The following PRKCI variants were observed in gnomAD, a reference collection of about 807,000 sequenced individuals.
The protein encoded by PRKCI is protein kinase C iota type.
PRKCI carries 43 observed loss-of-function variants against 84.0 expected under a neutral mutation model. That is an observed-to-expected ratio of 0.51 (90% confidence interval 0.40 to 0.66). PRKCI has a LOEUF of 0.66. Among genes scored for constraint, PRKCI ranks in the 30% least tolerant of loss-of-function variants. The pLI is 0.00. For missense variants in PRKCI, 459 were observed against 745.6 expected (o/e 0.62, Z 4.48); for synonymous variants, 216 against 234.4 (o/e 0.92, Z 0.72).
At chr3:170,240,956 CTT>C (rs1272131968) in intron 2 of PRKCI, among the ~76,000 whole-genome samples, 1 of 152,210 alleles carries the variant, frequency 6.6e-6, no homozygotes, top group Non-Finnish European at 1.5e-5. Context: ...CCACACTCCT[CTT>C]TCTCATAAAT....
chr3:170,265,194 A>G (rs1434316388), intron 4 of PRKCI, among the ~76,000 whole-genome samples: 2 of 151,948 alleles, frequency 1.3e-5, no homozygotes, highest in African/African-American at 4.8e-5. Flanking sequence ...GTCTCAAAAA[A>G]AAAAAAAAGA....
intron 2 of PRKCI, among the ~76,000 whole-genome samples, chr3:170,256,704 A>G (rs1733589266): frequency 6.6e-6 from 1 of 151,808 alleles, no homozygotes; most frequent in Admixed American, 6.6e-5. Flanking sequence ...TCTTCTACTA[A>G]TTTTGTGTTT....
At position 170,304,696 on chromosome 3, in the gene PRKCI, A is replaced by C. The variant is rs1056834290; in HGVS notation, c.*1569A>C. 2.6e-5 allele frequency: 4 copies of C among 152,160 alleles called. No homozygotes were observed. Among genetic ancestry groups the C allele is most frequent in the Non-Finnish European group, 5.9e-5 (4 of 68,014 alleles). The allele number at this position is 152,160 out of a possible 1,614,324, so 9.4% of individuals were successfully genotyped here. A position where few individuals can be genotyped will look rare whatever the true frequency, so the allele number is the denominator to read the frequency against. On this transcript the variant is annotated 3_prime_UTR_variant, in exon 18 of 18. Coordinates refer to ENST00000295797, the MANE Select transcript of PRKCI (RefSeq NM_002740.6). Reference sequence around the variant, plus strand: ...TTATTTTTTATGGATATTAGTGTTCAGCAGCTTATTATTTAAAGGGGTGCC... The same window carrying C: ...TTATTTTTTATGGATATTAGTGTTCCGCAGCTTATTATTTAAAGGGGTGCC...
intron 1 of PRKCI, among the ~76,000 whole-genome samples, chr3:170,231,961 C>T (rs1560165717): frequency 3.3e-5 from 5 of 152,134 alleles, no homozygotes; most frequent in Non-Finnish European, 1.5e-5. Flanking sequence ...TGCCACTGCA[C>T]TTCAACCTGG....
chr3:170,239,762 A>G (rs1733074916), intron 2 of PRKCI, among the ~76,000 whole-genome samples: 1 of 144,468 alleles, frequency 6.9e-6, no homozygotes, highest in African/African-American at 2.6e-5. Flanking sequence ...TTTGTATGGT[A>G]GAGTGTAAGC....
chr3:170,251,958 G>A (rs1053460432), intron 2 of PRKCI, among the ~76,000 whole-genome samples: 1 of 151,764 alleles, frequency 6.6e-6, no homozygotes, highest in South Asian at 2.1e-4. Context: ...GCTCACGCCT[G>A]TAATCCCAGC....
At chr3:170,236,686 A>G (rs1732983849) in intron 2 of PRKCI, among the ~76,000 whole-genome samples, 1 of 151,854 alleles carries the variant, frequency 6.6e-6, no homozygotes, top group Non-Finnish European at 1.5e-5. Flanking sequence ...ACATTGTGAG[A>G]CCCTGTCTCT....
At chr3:170,265,676 G>A (rs941418464) in intron 4 of PRKCI, among the ~76,000 whole-genome samples, 13 of 150,982 alleles carry the variant, frequency 8.6e-5, no homozygotes, top group African/African-American at 2.9e-4. Context: ...GTGCAGTGGC[G>A]AGAACTCGGC....
At chr3:170,281,785 A>G in intron 10 of PRKCI, 97 bp from the exon 11 acceptor site, 2 of 1,451,262 alleles carry the variant, frequency 1.4e-6, no homozygotes, top group Non-Finnish European at 1.8e-6. Context: ...AAGGCTAAAT[A>G]GTAGAGAATG....
intron 6 of PRKCI, among the ~76,000 whole-genome samples, chr3:170,272,025 G>C (rs1035862214): frequency 6.6e-6 from 1 of 152,134 alleles, no homozygotes; most frequent in African/African-American, 2.4e-5. Flanking sequence ...GTAGAGATGG[G>C]GTTTTTGCCA....
chr3:170,257,258 G>T (rs1200072267), intron 2 of PRKCI, among the ~76,000 whole-genome samples: 1 of 152,158 alleles, frequency 6.6e-6, no homozygotes, highest in Non-Finnish European at 1.5e-5. Flanking sequence ...CGAGACACAG[G>T]ATTTCTTAAT....
chr3:170,231,341 A>G (rs1030128363), intron 1 of PRKCI, among the ~76,000 whole-genome samples: 1 of 152,116 alleles, frequency 6.6e-6, no homozygotes, highest in African/African-American at 2.4e-5. Context: ...TTCTTTTTGT[A>G]TGTTTAAATT....
chr3:170,282,057 T>A, intron 11 of PRKCI, 89 bp downstream of exon 11: 1 of 1,340,132 alleles, frequency 7.5e-7, no homozygotes, highest in Non-Finnish European at 1.0e-6. Flanking sequence ...GATAAATAAT[T>A]TATTTTGATA....
chr3:170,273,305 A>G lies in PRKCI; in HGVS notation c.611A>G (p.Asp204Gly), dbSNP rs71277168. 24 of 1,613,786 alleles carry G rather than the reference A, an allele frequency of 1.5e-5. No individual in the cohort carries two copies. The East Asian group carries it at 5.3e-4, about 36-fold the overall frequency. Residue 204 changes from aspartate (D) to glycine (G), a missense_variant, in exon 7 of 18, where the codon GAT (aspartate) becomes GGT (glycine). Asp to Gly is a moderately conservative substitution (Grantham distance 94). Transcript: ENST00000295797. ...TTGTAGGAACCAGTGATGCCCATGG[A>G]TCAGTCATCCATGCATTCTGACCAT... ...SLPQEPVMPM[D>G]QSSMHSDHAQ... is the part of the protein sequence containing the mutation.
At position 170,224,438 on chromosome 3, in the gene PRKCI, G is replaced by GA. The variant is rs550678187; in HGVS notation, c.101+1674dup. On this transcript the variant is annotated intron_variant, in intron 1 of 17. Transcript: ENST00000295797. Reference sequence around the variant, plus strand: ...GTCAGCCATGAACTTTGCAAGGTGAGAAAAAAGCTTCCTTTGCTTTTTTTT... The same window carrying GA: ...GTCAGCCATGAACTTTGCAAGGTGAGAAAAAAAGCTTCCTTTGCTTTTTTTT... Among the ~76,000 whole-genome samples the GA allele has an allele frequency of 2.4e-3, 365 of 151,038 alleles. 1 individual carries two copies. The highest frequency in any genetic ancestry group is 8.1e-3 in the African/African-American group (333 of 41,272).
At chr3:170,277,829 CTG>C (rs776534551) in intron 8 of PRKCI, among the ~76,000 whole-genome samples, 4 of 151,676 alleles carry the variant, frequency 2.6e-5, no homozygotes, top group African/African-American at 9.7e-5. Context: ...GTTTAAAATT[CTG>C]TGTGTGTGTA....
At chr3:170,239,988 C>T (rs1276699783) in intron 2 of PRKCI, among the ~76,000 whole-genome samples, 1 of 151,898 alleles carries the variant, frequency 6.6e-6, no homozygotes, top group African/African-American at 2.4e-5. Flanking sequence ...AGACCCTGTC[C>T]CTACAAAAAA....
intron 2 of PRKCI, among the ~76,000 whole-genome samples, chr3:170,245,372 G>A (rs1313543533): frequency 2.6e-5 from 4 of 152,166 alleles, no homozygotes; most frequent in Admixed American, 6.5e-5. Flanking sequence ...TAATTAAATT[G>A]TAGGACGCTC....
At chr3:170,247,730 CAAAAA>C (rs72411481) in intron 2 of PRKCI, among the ~76,000 whole-genome samples, 1,018 of 27,626 alleles carry the variant, frequency 0.037, no homozygotes, top group East Asian at 0.16. Context: ...AACTCTGTCT[CAAAAA>C]AAAAAAAAAA....
Sources: allele counts gnomAD v4.1 joint callset (sites outside exome capture counted in the v4.1 genomes callset), GRCh38; gene constraint gnomAD v4.1.1; transcripts MANE v1.5; gene names NCBI Gene and HGNC (gene_info 2026-07-23, HGNC 2026-07-21).